The following ZNF407 variants were observed in gnomAD, a reference collection of about 807,000 sequenced individuals.
ZNF407 encodes the protein zinc finger protein 407.
In ZNF407, 17 loss-of-function variants were observed where a neutral mutation model predicts 131.2. The ratio of observed to expected loss-of-function variants is 0.13; its 90% CI spans 0.09 to 0.19. The LOEUF is 0.19. Among genes scored for constraint, ZNF407 ranks in the 10% least tolerant of loss-of-function variants. The pLI, the probability that ZNF407 is intolerant of heterozygous loss-of-function variation, is 1.00. For missense variants in ZNF407, 2,681 were observed against 2,830.6 expected (o/e 0.95, Z 1.20); for synonymous variants, 1,156 against 1,062.0 (o/e 1.09, Z -1.72).
At chr18:74,728,694 G>T (rs1968218422) in intron 3 of ZNF407, among the ~76,000 whole-genome samples, 1 of 152,152 alleles carries the variant, frequency 6.6e-6, no homozygotes, top group African/African-American at 2.4e-5. Flanking sequence ...AGGCCTGTGT[G>T]CTTCTGACTC....
chr18:74,801,059 T>G (rs1241371822), intron 4 of ZNF407, among the ~76,000 whole-genome samples: 1 of 152,132 alleles, frequency 6.6e-6, no homozygotes, highest in African/African-American at 2.4e-5. Context: ...CTTTCCCCGT[T>G]AGAAAATAAG....
At chr18:74,971,098 G>C (rs1972467261) in intron 8 of ZNF407, among the ~76,000 whole-genome samples, 1 of 152,204 alleles carries the variant, frequency 6.6e-6, no homozygotes, top group Non-Finnish European at 1.5e-5. Flanking sequence ...GGCTGGAGTG[G>C]CTGGGACACA....
At chr18:75,029,352 A>G (rs2122218604) in intron 8 of ZNF407, among the ~76,000 whole-genome samples, 1 of 152,328 alleles carries the variant, frequency 6.6e-6, no homozygotes, top group African/African-American at 2.4e-5. Context: ...TTTCTACGTT[A>G]ACCCAGAAGC....
chr18:74,871,123 C>A (rs1168617985), intron 4 of ZNF407, among the ~76,000 whole-genome samples: 6 of 152,132 alleles, frequency 3.9e-5, no homozygotes, highest in African/African-American at 1.4e-4. Context: ...AAGCACACGG[C>A]GCTCCTGTGA....
At chr18:75,009,833 T>C (rs924565417) in intron 8 of ZNF407, among the ~76,000 whole-genome samples, 3 of 152,170 alleles carry the variant, frequency 2.0e-5, no homozygotes, top group African/African-American at 7.2e-5. Flanking sequence ...TACACTACAC[T>C]GCCAAGAAAA....
At chr18:74,778,772 A>G (rs1969529018) in intron 3 of ZNF407, among the ~76,000 whole-genome samples, 1 of 152,068 alleles carries the variant, frequency 6.6e-6, no homozygotes, top group Non-Finnish European at 1.5e-5. Flanking sequence ...TGTTTTCGTC[A>G]TAGGTGCAGG....
chr18:74,650,571 G>T (rs1031320354), intron 3 of ZNF407, among the ~76,000 whole-genome samples: 1 of 152,120 alleles, frequency 6.6e-6, no homozygotes, highest in African/African-American at 2.4e-5. Context: ...TTGGTTGACA[G>T]GGGTCTGCAC....
intron 4 of ZNF407, among the ~76,000 whole-genome samples, chr18:74,843,672 C>T (rs1331970415): frequency 2.6e-5 from 4 of 152,002 alleles, no homozygotes; most frequent in African/African-American, 9.7e-5. Flanking sequence ...TTGGAGAATC[C>T]CAAAATCTTG....
rs903129863 is a variant in ZNF407 at position 74,743,210 on chromosome 18, C to A, written c.4803-38218C>A. Among the ~76,000 whole-genome samples the A allele has an allele frequency of 5.3e-5, 8 of 152,230 alleles. No individual in the cohort carries two copies. The East Asian group carries it at 5.8e-4, about 11-fold the overall frequency. ...TTACAATGTGGGAGGGAAGGTGACA[C>A]ATTTGGTTTAGTTGTGTTGAATTTT... is the stretch of plus-strand genomic sequence containing the variant. On this transcript the variant is annotated intron_variant, in intron 3 of 8. Transcript: ENST00000299687.
chr18:74,952,682 A>T (rs1331122394), intron 8 of ZNF407, among the ~76,000 whole-genome samples: 1 of 152,246 alleles, frequency 6.6e-6, no homozygotes, highest in African/African-American at 2.4e-5. Flanking sequence ...AGTTTTATTG[A>T]GGCATAATTA....
intron 3 of ZNF407, among the ~76,000 whole-genome samples, chr18:74,695,493 T>A (rs1278511272): frequency 7.9e-5 from 12 of 152,280 alleles, no homozygotes. Flanking sequence ...CTAGCATTTT[T>A]TATTTTTTAT....
chr18:74,886,079 T>C (rs978137789), intron 6 of ZNF407, among the ~76,000 whole-genome samples: 8 of 152,206 alleles, frequency 5.3e-5, no homozygotes, highest in African/African-American at 1.9e-4. Flanking sequence ...ATTTTATAAA[T>C]AATTTTTATC....
intron 8 of ZNF407, among the ~76,000 whole-genome samples, chr18:74,968,530 A>T (rs901387817): frequency 6.6e-6 from 1 of 152,022 alleles, no homozygotes; most frequent in Non-Finnish European, 1.5e-5. Context: ...GGATATTTTT[A>T]TTTCCTCTTC....
At chr18:74,932,828 A>T (rs1971997590) in intron 8 of ZNF407, among the ~76,000 whole-genome samples, 1 of 152,108 alleles carries the variant, frequency 6.6e-6, no homozygotes, top group African/African-American at 2.4e-5. Context: ...ATGCTTTAAT[A>T]AAAAAAACCT....
chr18:74,996,219 A>C (rs1381944413), intron 8 of ZNF407, among the ~76,000 whole-genome samples: 1 of 151,996 alleles, frequency 6.6e-6, no homozygotes, highest in African/African-American at 2.4e-5. Context: ...GGCAGGCGCC[A>C]ACAAGCATTT....
rs763157886 is a variant in ZNF407, at chr18:75,064,272, G to T, written c.6551G>T (p.Gly2184Val). ...CCCCCAGGGGTGCAGGACGAGCCGG[G>T]CCTGTACTCCCACACCGTGCTGGAG... ...ELPPGVQDEP[G>V]LYSHTVLETA... Residue 2184 changes from glycine (G) to valine (V), a missense_variant, in exon 9 of 9, where the codon GGC (glycine) becomes GTC (valine). Around this residue, in one of 6 missense-constraint regions of ZNF407, gnomAD observed 620 missense variants for 583.1 expected, o/e 1.06. Transcript: ENST00000299687. The T allele has an allele frequency of 6.2e-7, 1 of 1,604,956 alleles. No individual in the cohort carries two copies. Among genetic ancestry groups the T allele is most frequent in the Non-Finnish European group, 8.5e-7 (1 of 1,176,776 alleles).
At chr18:74,926,577 G>A (rs554890983) in intron 8 of ZNF407, among the ~76,000 whole-genome samples, 6 of 152,196 alleles carry the variant, frequency 3.9e-5, no homozygotes, top group African/African-American at 1.2e-4. Flanking sequence ...GCCAAGGCAA[G>A]CAATCACCTG....
At chr18:74,944,172 A>G (rs1277535591) in intron 8 of ZNF407, among the ~76,000 whole-genome samples, 2 of 152,194 alleles carry the variant, frequency 1.3e-5, no homozygotes, top group African/African-American at 2.4e-5. Flanking sequence ...CTCAAAATGT[A>G]AGTAAGCTTA....
At chr18:74,604,968 C>G (rs753321924) in intron 1 of ZNF407, among the ~76,000 whole-genome samples, 2 of 152,174 alleles carry the variant, frequency 1.3e-5, no homozygotes, top group African/African-American at 4.8e-5. Flanking sequence ...TAAGCAGTTT[C>G]GCTTAGTGGC....
Sources: gnomAD v4.1 joint callset for allele counts (sites outside exome capture counted in the v4.1 genomes callset) on GRCh38, gnomAD v4.1.1 for gene constraint, gnomAD v4.1.1 regional missense constraint, MANE v1.5 for transcripts, NCBI Gene and HGNC (gene_info 2026-07-23, HGNC 2026-07-21) for gene names.